SRGAP2: variants seen among roughly 807,000 people sequenced by gnomAD.
The protein encoded by SRGAP2 is SLIT-ROBO Rho GTPase-activating protein 2.
A neutral mutation model predicts 57.2 loss-of-function variants in SRGAP2; 15 were observed. The ratio of observed to expected loss-of-function variants is 0.26; its 90% CI spans 0.18 to 0.40. The LOEUF is 0.40. Among genes scored for constraint, SRGAP2 ranks in the 10% least tolerant of loss-of-function variants. The pLI is 1.00. For missense variants in SRGAP2, 520 were observed against 669.6 expected (o/e 0.78, Z 2.47); for synonymous variants, 249 against 248.0 (o/e 1.00, Z -0.04).
Position 206,416,434 on chromosome 1 carries a change from A to G in SRGAP2, c.1441+461A>G, listed in dbSNP as rs1558408109. On this transcript the variant is annotated intron_variant, in intron 11 of 22. Transcript: ENST00000573034. ...AGGGATGGACAGACTGCTGCTTTCT[A>G]TAGCTTCCAGAAAGAGCATCAGTTT... Among the ~76,000 whole-genome samples the G allele has an allele frequency of 3.9e-5, 6 of 152,290 alleles. 1 individual carries two copies. In the East Asian group the frequency reaches 9.7e-4, roughly 25 times the overall value.
intron 2 of SRGAP2, among the ~76,000 whole-genome samples, chr1:206,220,832 C>T (rs1419950166): frequency 6.6e-6 from 1 of 152,102 alleles, no homozygotes; most frequent in Non-Finnish European, 1.5e-5. Flanking sequence ...GTGTTCTTTC[C>T]TGTCCCCTCC....
intron 2 of SRGAP2, among the ~76,000 whole-genome samples, chr1:206,231,746 C>T (rs1338942714): frequency 2.0e-5 from 3 of 150,832 alleles, no homozygotes; most frequent in Non-Finnish European, 4.4e-5. Flanking sequence ...CCATGTTGAG[C>T]AGGCTGGTCT....
At chr1:206,268,464 A>G (rs542223946) in intron 2 of SRGAP2, among the ~76,000 whole-genome samples, 1 of 152,104 alleles carries the variant, frequency 6.6e-6, no homozygotes, top group African/African-American at 2.4e-5. Context: ...TTTAAGATAG[A>G]TATAAGACTA....
chr1:206,454,465 C>A lies in SRGAP2; in HGVS notation c.2361-413C>A. 1 of 478,638 alleles carries A rather than the reference C, an allele frequency of 2.1e-6. No homozygotes were observed. Among genetic ancestry groups the A allele is most frequent in the Non-Finnish European group, 3.7e-6 (1 of 269,580 alleles). 29.6% of individuals were successfully genotyped at this position (478,638 alleles called of 1,614,324 possible). ...TGCCACGACGCCGCCGTCTCCAGAG[C>A]CACCACACAGTTGACTGTCCTTACC... On this transcript the variant is annotated intron_variant, in intron 20 of 22. Transcript: ENST00000573034. The surrounding 1 kb of genome is among the most constrained non-coding windows in gnomAD (Gnocchi z 4.3).
intron 11 of SRGAP2, 38 bp from the exon 12 acceptor site, chr1:206,419,335 C>G: frequency 5.1e-6 from 4 of 780,464 alleles, no homozygotes; most frequent in Non-Finnish European, 7.2e-6. Flanking sequence ...ACCTCTTCTC[C>G]TTTAACATAA....
chr1:206,453,749 T>C (rs1663558189), intron 20 of SRGAP2: 1 of 257,442 alleles, frequency 3.9e-6, no homozygotes, highest in South Asian at 1.5e-4. Flanking sequence ...GAAAACATTT[T>C]TGTTACTCTC....
intron 3 of SRGAP2, among the ~76,000 whole-genome samples, chr1:206,334,516 G>T (rs1243722122): frequency 2.4e-4 from 37 of 152,156 alleles, no homozygotes; most frequent in Middle Eastern, 3.4e-3. Context: ...TCCCAGGGAC[G>T]GGTATTTGGG....
rs1654735940 is a variant in SRGAP2, at chr1:206,372,955, CTTTTCTTTCCTTTCTTTCTTTCTTTCTTT to C, written c.424-11058_424-11030del. 5.6e-3 allele frequency among the ~76,000 whole-genome samples: 221 copies of C among 39,646 alleles called. 20 individuals carry two copies. Among genetic ancestry groups the C allele is most frequent in the Middle Eastern group, 0.014 (1 of 74 alleles). 26.0% of individuals were successfully genotyped at this position (39,646 alleles called of 152,430 possible). A position where few individuals can be genotyped will look rare whatever the true frequency, so the allele number is the denominator to read the frequency against. ...TCTTTCTTTCTTTCTTTCTTTCTTT[CTTTTCTTTCCTTTCTTTCTTTCTTTCTTT>C]CTTTCTTTCTTTCTTTCTTTCTTTC... On this transcript the variant is annotated intron_variant, in intron 4 of 22. Transcript: ENST00000573034.
intron 12 of SRGAP2, 84 bp from the exon 13 acceptor site, chr1:206,421,165 AT>A (rs1660268871): frequency 1.4e-6 from 1 of 701,980 alleles, no homozygotes; most frequent in Non-Finnish European, 2.6e-6. Context: ...TTTAAGAGTG[AT>A]TGTTTATCTC....
intron 2 of SRGAP2, among the ~76,000 whole-genome samples, chr1:206,252,477 ACTTGT>A (rs1192193355): frequency 3.5e-5 from 3 of 85,462 alleles, no homozygotes; most frequent in Non-Finnish European, 6.7e-5. Context: ...AGATATTATT[ACTTGT>A]CTTGAAAGAG....
chr1:206,438,752 G>A (rs1468692658), intron 16 of SRGAP2, among the ~76,000 whole-genome samples: 1 of 152,238 alleles, frequency 6.6e-6, no homozygotes, highest in Non-Finnish European at 1.5e-5. Context: ...ATACAGGTCA[G>A]CCTGGAAGCA....
At chr1:206,307,291 G>A (rs1672286266) in intron 3 of SRGAP2, among the ~76,000 whole-genome samples, 1 of 152,234 alleles carries the variant, frequency 6.6e-6, no homozygotes. Flanking sequence ...CACAAACCTT[G>A]AGCTAAACAC....
chr1:206,451,086 C>T (rs1345370258), intron 19 of SRGAP2, among the ~76,000 whole-genome samples: 1 of 140,218 alleles, frequency 7.1e-6, no homozygotes, highest in African/African-American at 2.7e-5. Context: ...TACAGTACTC[C>T]AGCCTGGGTG....
At chr1:206,323,573 A>G (rs1196562375) in intron 3 of SRGAP2, among the ~76,000 whole-genome samples, 1 of 151,558 alleles carries the variant, frequency 6.6e-6, no homozygotes, top group Non-Finnish European at 1.5e-5. Context: ...AGAATCCAGC[A>G]TCAGCATCAG....
At chr1:206,345,833 GC>G (rs1471985307) in intron 4 of SRGAP2, among the ~76,000 whole-genome samples, 1 of 149,924 alleles carries the variant, frequency 6.7e-6, no homozygotes, top group Non-Finnish European at 1.5e-5. Flanking sequence ...CTGCACTCCA[GC>G]CTGGGCAACA....
At chr1:206,424,029 G>A (rs187633852) in intron 13 of SRGAP2, among the ~76,000 whole-genome samples, 10 of 145,356 alleles carry the variant, frequency 6.9e-5, no homozygotes, top group Admixed American at 5.6e-4. Flanking sequence ...CTGAGCTCAA[G>A]TGATCCACCT....
intron 5 of SRGAP2, among the ~76,000 whole-genome samples, chr1:206,386,041 G>A (rs1392964278): frequency 5.3e-5 from 8 of 152,208 alleles, no homozygotes; most frequent in African/African-American, 1.9e-4. Context: ...TGGTCCAAAT[G>A]GAGTTTTAAG....
intron 10 of SRGAP2, among the ~76,000 whole-genome samples, chr1:206,412,644 G>C (rs79245340): frequency 0.91 from 138,842 of 152,202 alleles, 63,501 homozygotes; most frequent in East Asian, 1. Flanking sequence ...CCTGGCCCCC[G>C]TGATCTCCAG....
chr1:206,225,849 C>T (rs1667244226), intron 2 of SRGAP2, among the ~76,000 whole-genome samples: 1 of 151,782 alleles, frequency 6.6e-6, no homozygotes, highest in Non-Finnish European at 1.5e-5. Context: ...TTCTGAGCTG[C>T]CTTGCTCCGA....
Sources: allele counts gnomAD v4.1 joint callset (sites outside exome capture counted in the v4.1 genomes callset), GRCh38; gene constraint gnomAD v4.1.1; non-coding constraint Gnocchi (gnomAD v3.1); transcripts MANE v1.5; gene names NCBI Gene and HGNC (gene_info 2026-07-23, HGNC 2026-07-21).